The following KCND3 variants were observed in gnomAD, a reference collection of about 807,000 sequenced individuals.
KCND3 encodes the protein A-type voltage-gated potassium channel KCND3.
In KCND3, 9 loss-of-function variants were observed where a neutral mutation model predicts 51.1. The observed-to-expected ratio is 0.18, with a 90% CI of 0.11 to 0.31. The LOEUF (loss-of-function observed/expected upper bound fraction) is 0.31, where lower values mean the gene tolerates loss of function less well. KCND3 is among the 10% of genes least tolerant of loss of function. The pLI, the probability that KCND3 is intolerant of heterozygous loss-of-function variation, is 1.00. For missense variants in KCND3, 526 were observed against 903.8 expected, an observed-to-expected ratio of 0.58 and a Z score of 5.36; for synonymous variants, 349 against 368.0, an observed-to-expected ratio of 0.95 and a Z score of 0.59.
chr1:111,941,100 A>C lies in KCND3; in HGVS notation c.1106+40521T>G, dbSNP rs77478566. Among the ~76,000 whole-genome samples the C allele has an allele frequency of 6.0e-3, 909 of 152,264 alleles. 6 individuals are homozygous for C. Among genetic ancestry groups the C allele is most frequent in the African/African-American group, 0.013 (530 of 41,550 alleles). On this transcript the variant is annotated intron_variant, in intron 2 of 7. Transcript: ENST00000302127. Reference sequence around the variant, plus strand: ...AAAGGAAGACTGTCCTGCTCTGACAAACTTACCTCAGATGAGTGGCAGCTG... The same window carrying C: ...AAAGGAAGACTGTCCTGCTCTGACACACTTACCTCAGATGAGTGGCAGCTG...
intron 2 of KCND3, among the ~76,000 whole-genome samples, chr1:111,974,684 C>T (rs1674531223): frequency 6.6e-6 from 1 of 152,198 alleles, no homozygotes; most frequent in African/African-American, 2.4e-5. Context: ...GATGGAAATG[C>T]TGCCTTTTAT....
intron 2 of KCND3, among the ~76,000 whole-genome samples, chr1:111,836,254 C>T (rs1461725260): frequency 1.3e-5 from 2 of 152,226 alleles, no homozygotes; most frequent in Non-Finnish European, 2.9e-5. Flanking sequence ...GAACTGGGCA[C>T]TGCCAGTTTG....
At chr1:111,916,435 T>C (rs1671220982) in intron 2 of KCND3, among the ~76,000 whole-genome samples, 1 of 152,078 alleles carries the variant, frequency 6.6e-6, no homozygotes, top group Admixed American at 6.5e-5. Flanking sequence ...TAGAAATAAA[T>C]TTATAGCATT....
intron 2 of KCND3, among the ~76,000 whole-genome samples, chr1:111,862,231 A>G (rs1438743044): frequency 6.6e-6 from 1 of 152,258 alleles, no homozygotes; most frequent in Non-Finnish European, 1.5e-5. Context: ...TCCAAAAAGG[A>G]CCAAATAGTA....
At chr1:111,832,215 C>T (rs767773507) in intron 2 of KCND3, among the ~76,000 whole-genome samples, 1 of 152,190 alleles carries the variant, frequency 6.6e-6, no homozygotes, top group Non-Finnish European at 1.5e-5. Context: ...AATGACAAGG[C>T]CTCTTTAAAA....
chr1:111,911,528 C>A (rs1474536160), intron 2 of KCND3, among the ~76,000 whole-genome samples: 1 of 152,090 alleles, frequency 6.6e-6, no homozygotes, highest in Admixed American at 6.5e-5. Context: ...TATTGAGTAC[C>A]AAATCCATGT....
intron 2 of KCND3, among the ~76,000 whole-genome samples, chr1:111,974,857 G>A (rs915489526): frequency 1.3e-5 from 2 of 152,192 alleles, no homozygotes; most frequent in African/African-American, 4.8e-5. Flanking sequence ...TGTGAAATGG[G>A]CACCAGCCTA....
intron 2 of KCND3, among the ~76,000 whole-genome samples, chr1:111,878,264 T>C (rs911706794): frequency 6.6e-6 from 1 of 152,260 alleles, no homozygotes; most frequent in Admixed American, 6.5e-5. Context: ...TGCCGAATCC[T>C]ATTTCCCAGA....
At chr1:111,925,831 C>T in intron 2 of KCND3, among the ~76,000 whole-genome samples, 1 of 152,016 alleles carries the variant, frequency 6.6e-6, no homozygotes, top group African/African-American at 2.4e-5. Context: ...GACCAACCCC[C>T]CAACATGAGA....
At chr1:111,819,815 G>A (rs1666268328) in intron 2 of KCND3, among the ~76,000 whole-genome samples, 1 of 152,146 alleles carries the variant, frequency 6.6e-6, no homozygotes, top group Non-Finnish European at 1.5e-5. Context: ...CTGTAATCAC[G>A]GAGGGTATAT....
At chr1:111,826,672 C>T (rs1342593575) in intron 2 of KCND3, among the ~76,000 whole-genome samples, 1 of 152,178 alleles carries the variant, frequency 6.6e-6, no homozygotes, top group Non-Finnish European at 1.5e-5. Context: ...TTTCCTAAGG[C>T]TGAAGAGTTC....
At chr1:111,789,117 A>T (rs561421722) in intron 2 of KCND3, among the ~76,000 whole-genome samples, 2 of 152,372 alleles carry the variant, frequency 1.3e-5, no homozygotes, top group East Asian at 3.9e-4. Flanking sequence ...AAAGCATGGC[A>T]GGAGTGCAGA....
chr1:111,966,903 G>C (rs1413348881), intron 2 of KCND3, among the ~76,000 whole-genome samples: 1 of 152,102 alleles, frequency 6.6e-6, no homozygotes, highest in Non-Finnish European at 1.5e-5. Context: ...CACTTTGGGA[G>C]GCCAAGGTGG....
At chr1:111,933,786 A>G (rs1672086893) in intron 2 of KCND3, among the ~76,000 whole-genome samples, 1 of 150,564 alleles carries the variant, frequency 6.6e-6, no homozygotes, top group South Asian at 2.1e-4. Context: ...TCTCCTCCAC[A>G]TTTCCCTACA....
chr1:111,948,124 G>A (rs1672872074), intron 2 of KCND3, among the ~76,000 whole-genome samples: 1 of 152,332 alleles, frequency 6.6e-6, no homozygotes, highest in East Asian at 1.9e-4. Context: ...GTGCTTTGGG[G>A]AGGCTGCCCC....
chr1:111,878,435 G>A (rs540316120), intron 2 of KCND3, among the ~76,000 whole-genome samples: 7 of 152,300 alleles, frequency 4.6e-5, no homozygotes, highest in South Asian at 4.1e-4. Context: ...CTGCTGTGGC[G>A]CCCGCCCAAG....
intron 2 of KCND3, among the ~76,000 whole-genome samples, chr1:111,956,316 C>T (rs918882783): frequency 7.2e-5 from 11 of 152,160 alleles, no homozygotes; most frequent in African/African-American, 2.4e-4. Flanking sequence ...GCATCAACGT[C>T]ATCAGTGCTC....
intron 2 of KCND3, among the ~76,000 whole-genome samples, chr1:111,864,643 T>C (rs890442026): frequency 3.3e-5 from 5 of 152,190 alleles, no homozygotes; most frequent in Admixed American, 3.3e-4. Context: ...TTGCTGCTGC[T>C]GCACTTTTGC....
chr1:111,880,634 AAGG>A (rs1243688454), intron 2 of KCND3, among the ~76,000 whole-genome samples: 5 of 152,324 alleles, frequency 3.3e-5, no homozygotes, highest in African/African-American at 1.2e-4. Context: ...TTAAGTAATA[AAGG>A]AGAAGGAGGA....
Sources: gnomAD v4.1 joint callset for allele counts (sites outside exome capture counted in the v4.1 genomes callset) on GRCh38, gnomAD v4.1.1 for gene constraint, MANE v1.5 for transcripts, NCBI Gene and HGNC (gene_info 2026-07-23, HGNC 2026-07-21) for gene names.